UNC79: variants seen among roughly 807,000 people sequenced by gnomAD.
UNC79 encodes the protein unc-79 subunit of NALCN channel complex.
A neutral mutation model predicts 283.1 loss-of-function variants in UNC79; 37 were observed. That is an observed-to-expected ratio of 0.13 (90% confidence interval 0.10 to 0.17). UNC79 has a LOEUF of 0.17. UNC79 is among the 10% of genes least tolerant of loss of function. UNC79 has a pLI of 1.00. For missense variants in UNC79, 2,272 were observed against 3,211.1 expected, an observed-to-expected ratio of 0.71 and a Z score of 7.07; for synonymous variants, 1,107 against 1,200.2, an observed-to-expected ratio of 0.92 and a Z score of 1.61.
At chr14:93,706,566 G>A (rs1426951635) in intron 48 of UNC79, 138 bp from the exon 52 acceptor site, 8 of 907,562 alleles carry the variant, frequency 8.8e-6, no homozygotes, top group Non-Finnish European at 1.3e-5. Flanking sequence ...CACTGCCAGA[G>A]TAGAGAGTTT....
At chr14:93,467,729 T>C (rs1167540491) in exon 2 of UNC79, 2 of 1,408,784 alleles carry the variant, frequency 1.4e-6, no homozygotes, top group Non-Finnish European at 1.9e-6. Context: ...ACAACATTTA[T>C]CCTGTACCAT....
exon 26 of UNC79, chr14:93,603,355 G>A (rs150734169): frequency 5.0e-6 from 8 of 1,614,168 alleles, no homozygotes; most frequent in African/African-American, 2.7e-5. Context: ...GAGGGACAGC[G>A]TGAAAGGGCC....
At chr14:93,577,148 C>T (rs543437902) in intron 17 of UNC79, among the ~76,000 whole-genome samples, 125 of 152,122 alleles carry the variant, frequency 8.2e-4, no homozygotes, top group African/African-American at 2.7e-3. Flanking sequence ...TGCAGAGAGC[C>T]GTGATCATGC....
chr14:93,671,594 G>T (rs922707090), intron 40 of UNC79, among the ~76,000 whole-genome samples: 1 of 152,060 alleles, frequency 6.6e-6, no homozygotes, highest in Non-Finnish European at 1.5e-5. Flanking sequence ...CCAACATGGA[G>T]AAACCCCATC....
chr14:93,660,073 T>C (rs2071375066), intron 39 of UNC79, among the ~76,000 whole-genome samples: 1 of 152,254 alleles, frequency 6.6e-6, no homozygotes, highest in South Asian at 2.1e-4. Flanking sequence ...TTCACTTTTG[T>C]ATTCCAAGCT....
chr14:93,493,889 ATATATATATATATT>A (rs1314591495), intron 5 of UNC79, among the ~76,000 whole-genome samples: 1 of 63,514 alleles, frequency 1.6e-5, no homozygotes, highest in African/African-American at 5.7e-5. Flanking sequence ...ATATATATAT[ATATATATATATATT>A]TTTTTTTTTT....
At chr14:93,354,269 C>T (rs2054039865) in intron 1 of UNC79, among the ~76,000 whole-genome samples, 1 of 152,108 alleles carries the variant, frequency 6.6e-6, no homozygotes, top group Non-Finnish European at 1.5e-5. Flanking sequence ...GTTTTATGGA[C>T]ATTTAAAGTT....
intron 35 of UNC79, among the ~76,000 whole-genome samples, chr14:93,649,446 C>T (rs377662906): frequency 1.3e-5 from 2 of 151,936 alleles, no homozygotes; most frequent in East Asian, 1.9e-4. Context: ...TCTATCTATC[C>T]ATCAATTCAT....
chr14:93,450,228 T>A (rs1009913058), intron 1 of UNC79, among the ~76,000 whole-genome samples: 1 of 152,174 alleles, frequency 6.6e-6, no homozygotes, highest in East Asian at 1.9e-4. Context: ...CTCTTAGAAG[T>A]AGGTCAAAGC....
At chr14:93,451,838 G>A (rs186246081) in intron 1 of UNC79, among the ~76,000 whole-genome samples, 14 of 152,210 alleles carry the variant, frequency 9.2e-5, no homozygotes, top group Admixed American at 9.2e-4. Context: ...TGCTGGCCTG[G>A]GATTTGACTT....
chr14:93,607,673 C>A (rs1462831679), intron 26 of UNC79, among the ~76,000 whole-genome samples: 2 of 152,170 alleles, frequency 1.3e-5, no homozygotes, highest in Admixed American at 1.3e-4. Flanking sequence ...CCAGAGCTAT[C>A]CCCATCTCTC....
chr14:93,542,437 G>A (rs755656228), intron 13 of UNC79, 29 bp from the exon 14 acceptor site: 10 of 1,589,752 alleles, frequency 6.3e-6, no homozygotes, highest in Admixed American at 5.3e-5. Flanking sequence ...GATGGAAGCC[G>A]AACAAGGTTC....
chr14:93,568,746 C>T (rs968037709), intron 14 of UNC79, among the ~76,000 whole-genome samples: 17 of 152,244 alleles, frequency 1.1e-4, no homozygotes, highest in Admixed American at 1.1e-3. Context: ...TATAAGAGCT[C>T]TTTTTCATCT....
chr14:93,433,977 G>A (rs558137686), intron 1 of UNC79, among the ~76,000 whole-genome samples: 7 of 152,332 alleles, frequency 4.6e-5, no homozygotes, highest in African/African-American at 1.7e-4. Flanking sequence ...ACTTTGGGAG[G>A]CCGAGGCAGG....
At chr14:93,439,315 C>T (rs1264395378) in intron 1 of UNC79, among the ~76,000 whole-genome samples, 3 of 151,030 alleles carry the variant, frequency 2.0e-5, no homozygotes, top group African/African-American at 4.9e-5. Flanking sequence ...TCTTGTATTT[C>T]TAAGTAAGAT....
At chr14:93,547,464 A>G (rs1204471355) in intron 14 of UNC79, among the ~76,000 whole-genome samples, 1 of 152,234 alleles carries the variant, frequency 6.6e-6, no homozygotes, top group African/African-American at 2.4e-5. Flanking sequence ...GAAAGGCAAA[A>G]TATCAAAAGT....
intron 1 of UNC79, among the ~76,000 whole-genome samples, chr14:93,440,940 C>T (rs1251896649): frequency 6.6e-6 from 1 of 152,032 alleles, no homozygotes; most frequent in African/African-American, 2.4e-5. Flanking sequence ...TGATGTATAT[C>T]TATAAGATCT....
chr14:93,633,108 T>G (rs1401931283), intron 31 of UNC79, among the ~76,000 whole-genome samples: 1 of 152,216 alleles, frequency 6.6e-6, no homozygotes, highest in East Asian at 1.9e-4. Context: ...GTTTTAAATT[T>G]GTTGCATCTT....
chr14:93,378,118 A>G (rs1000995795), intron 1 of UNC79, among the ~76,000 whole-genome samples: 1 of 152,204 alleles, frequency 6.6e-6, no homozygotes, highest in Non-Finnish European at 1.5e-5. Flanking sequence ...TGATTCTTTG[A>G]TGACTGTTTA....
Sources: gnomAD v4.1 joint callset for allele counts (sites outside exome capture counted in the v4.1 genomes callset) on GRCh38, gnomAD v4.1.1 for gene constraint, MANE v1.5 for transcripts, NCBI Gene and HGNC (gene_info 2026-07-23, HGNC 2026-07-21) for gene names.